ELOVL6: variants seen among roughly 807,000 people sequenced by gnomAD.
ELOVL6 encodes very long chain fatty acid elongase 6.
Under a neutral mutation model 31.7 loss-of-function variants are expected in ELOVL6, and 8 were observed. The observed-to-expected ratio is 0.25, with a 90% CI of 0.15 to 0.45. ELOVL6 has a LOEUF of 0.45. ELOVL6 is among the 20% of genes least tolerant of loss of function. ELOVL6 has a pLI of 1.00. For missense variants in ELOVL6, 126 were observed against 326.4 expected, an observed-to-expected ratio of 0.39 and a Z score of 4.73; for synonymous variants, 101 against 117.7, an observed-to-expected ratio of 0.86 and a Z score of 0.92.
intron 2 of ELOVL6, among the ~76,000 whole-genome samples, chr4:110,066,008 A>T (rs1755288804): frequency 6.6e-6 from 1 of 152,212 alleles, no homozygotes; most frequent in East Asian, 1.9e-4. Context: ...CTAACTCAAT[A>T]ACCAAAGGTA....
chr4:110,158,657 A>ATAT, intron 1 of ELOVL6, among the ~76,000 whole-genome samples: 43 of 74,156 alleles, frequency 5.8e-4, no homozygotes, highest in African/African-American at 2.2e-3. Context: ...ATATATATAT[A>ATAT]TTTTTTTTTT....
At chr4:110,158,657 A>ATATATATATT in intron 1 of ELOVL6, among the ~76,000 whole-genome samples, 6 of 74,160 alleles carry the variant, frequency 8.1e-5, no homozygotes, top group African/African-American at 5.0e-4. Context: ...ATATATATAT[A>ATATATATATT]TTTTTTTTTT....
At chr4:110,157,900 A>C (rs1034524761) in intron 1 of ELOVL6, among the ~76,000 whole-genome samples, 1 of 152,232 alleles carries the variant, frequency 6.6e-6, no homozygotes, top group African/African-American at 2.4e-5. Context: ...ATTCATGAAG[A>C]AGTGGACCAG....
At chr4:110,191,220 C>A (rs918349895) in intron 1 of ELOVL6, among the ~76,000 whole-genome samples, 4 of 151,966 alleles carry the variant, frequency 2.6e-5, no homozygotes, top group Admixed American at 1.3e-4. Context: ...TCTCAGAAAC[C>A]TCAATAACTA....
intron 1 of ELOVL6, among the ~76,000 whole-genome samples, chr4:110,131,286 T>C (rs561794173): frequency 1.3e-5 from 2 of 152,300 alleles, no homozygotes; most frequent in South Asian, 4.1e-4. Context: ...GTTGTGTGGA[T>C]TATTTTTTTA....
chr4:110,149,070 G>A (rs1414628115), intron 1 of ELOVL6, among the ~76,000 whole-genome samples: 1 of 152,084 alleles, frequency 6.6e-6, no homozygotes, highest in African/African-American at 2.4e-5. Flanking sequence ...CCATGTTGCT[G>A]AGGCTGGTCT....
At chr4:110,065,462 A>G (rs543073614) in intron 2 of ELOVL6, among the ~76,000 whole-genome samples, 7 of 152,290 alleles carry the variant, frequency 4.6e-5, no homozygotes, top group Non-Finnish European at 1.0e-4. Context: ...CCCCATTTCT[A>G]CAAATGCGAA....
intron 2 of ELOVL6, among the ~76,000 whole-genome samples, chr4:110,077,637 G>A (rs1467812675): frequency 6.6e-6 from 1 of 152,022 alleles, no homozygotes; most frequent in Non-Finnish European, 1.5e-5. Context: ...CAAAGACGGG[G>A]AAAAAACAGA....
chr4:110,085,130 A>G (rs1247819397), intron 2 of ELOVL6, among the ~76,000 whole-genome samples: 1 of 152,164 alleles, frequency 6.6e-6, no homozygotes, highest in African/African-American at 2.4e-5. Context: ...GAAAATGCAA[A>G]CTGATATGAA....
intron 1 of ELOVL6, among the ~76,000 whole-genome samples, chr4:110,191,055 G>A (rs1473532907): frequency 6.6e-6 from 1 of 152,248 alleles, no homozygotes; most frequent in East Asian, 1.9e-4. Context: ...CTGACATCAA[G>A]TGATCCGCCT....
At chr4:110,159,189 A>G (rs1255582972) in intron 1 of ELOVL6, among the ~76,000 whole-genome samples, 2 of 152,178 alleles carry the variant, frequency 1.3e-5, no homozygotes, top group African/African-American at 4.8e-5. Context: ...TTATTTAAAT[A>G]AAGATTTTCC....
chr4:110,164,344 A>G (rs1377797913), intron 1 of ELOVL6, among the ~76,000 whole-genome samples: 1 of 152,128 alleles, frequency 6.6e-6, no homozygotes, highest in Non-Finnish European at 1.5e-5. Flanking sequence ...AGCCAAGGCC[A>G]CCCTAGGAAA....
intron 1 of ELOVL6, among the ~76,000 whole-genome samples, chr4:110,140,587 TC>T (rs1757926703): frequency 6.6e-6 from 1 of 151,988 alleles, no homozygotes. Context: ...TTTTCTGCCT[TC>T]AATTCTAAGC....
chr4:110,145,888 A>G (rs1382478369), intron 1 of ELOVL6, among the ~76,000 whole-genome samples: 1 of 152,204 alleles, frequency 6.6e-6, no homozygotes, highest in Admixed American at 6.5e-5. Flanking sequence ...AATCTTCCTA[A>G]GACTATAATT....
intron 1 of ELOVL6, among the ~76,000 whole-genome samples, chr4:110,106,519 T>C (rs1477981647): frequency 1.3e-5 from 2 of 152,168 alleles, no homozygotes; most frequent in Admixed American, 1.3e-4. Context: ...TACTGTACCA[T>C]GGCATTTGTG....
intron 2 of ELOVL6, among the ~76,000 whole-genome samples, chr4:110,087,203 C>A (rs1756291532): frequency 6.6e-6 from 1 of 152,064 alleles, no homozygotes; most frequent in Non-Finnish European, 1.5e-5. Flanking sequence ...TCAGACACCG[C>A]CCCCACAAGG....
intron 1 of ELOVL6, among the ~76,000 whole-genome samples, chr4:110,177,254 A>G (rs1252763839): frequency 1.3e-5 from 2 of 152,178 alleles, no homozygotes; most frequent in Non-Finnish European, 2.9e-5. Context: ...CCTGGGCAAC[A>G]TAGCATGACC....
intron 2 of ELOVL6, among the ~76,000 whole-genome samples, chr4:110,076,112 C>A (rs532664136): frequency 1.3e-5 from 2 of 152,304 alleles, no homozygotes; most frequent in East Asian, 3.9e-4. Flanking sequence ...ACTCCATTTT[C>A]ACACAGTCAC....
chr4:110,137,680 A>G (rs758075456), intron 1 of ELOVL6, among the ~76,000 whole-genome samples: 1 of 152,204 alleles, frequency 6.6e-6, no homozygotes, highest in Non-Finnish European at 1.5e-5. Flanking sequence ...AATAGTAATG[A>G]TAGGACCATA....
Sources: allele counts gnomAD v4.1 joint callset (sites outside exome capture counted in the v4.1 genomes callset), GRCh38; gene constraint gnomAD v4.1.1; transcripts MANE v1.5; gene names NCBI Gene and HGNC (gene_info 2026-07-23, HGNC 2026-07-21).